GRIK2: variants seen among roughly 807,000 people sequenced by gnomAD.
GRIK2 encodes glutamate ionotropic receptor kainate type subunit 2, also known as glutamate receptor ionotropic, kainate 2.
In GRIK2, 32 loss-of-function variants were observed where a neutral mutation model predicts 100.3. That is an observed-to-expected ratio of 0.32 (90% confidence interval 0.24 to 0.43). The LOEUF (loss-of-function observed/expected upper bound fraction) is 0.43. Among genes scored for constraint, GRIK2 ranks in the 20% least tolerant of loss-of-function variants. GRIK2 has a pLI of 1.00. For missense variants in GRIK2, 843 were observed against 1,114.9 expected (o/e 0.76, Z 3.47); for synonymous variants, 417 against 389.4 (o/e 1.07, Z -0.83).
intron 2 of GRIK2, among the ~76,000 whole-genome samples, chr6:101,532,700 T>C (rs754462116): frequency 2.9e-4 from 44 of 151,408 alleles, no homozygotes; most frequent in Non-Finnish European, 5.3e-4. Flanking sequence ...CACACACACA[T>C]ACATATATGT....
At chr6:101,613,060 A>G (rs946260672) in intron 2 of GRIK2, among the ~76,000 whole-genome samples, 1 of 151,820 alleles carries the variant, frequency 6.6e-6, no homozygotes. Context: ...AAACTACTGA[A>G]AAAAGCTAGA....
chr6:101,976,235 G>C (rs12192136), intron 14 of GRIK2, among the ~76,000 whole-genome samples: 3,387 of 152,044 alleles, frequency 0.022, 56 homozygotes, highest in Non-Finnish European at 0.036. Context: ...GGAGACCACT[G>C]AAGAAATTTA....
rs186208477 is a variant in GRIK2, at chr6:101,585,581, T to C, written c.116-36368T>C. Reference sequence around the variant, plus strand: ...GTGATACAGGGTATTCATAGAATTGTTTCCACTTAAAGAACACATGCAATT... The same window carrying C: ...GTGATACAGGGTATTCATAGAATTGCTTCCACTTAAAGAACACATGCAATT... On this transcript the variant is annotated intron_variant, in intron 2 of 16. Transcript: ENST00000369134. 4.2e-4 allele frequency among the ~76,000 whole-genome samples: 64 copies of C among 152,160 alleles called. No homozygotes were observed. The East Asian group carries it at 6.8e-3, about 16-fold the overall frequency.
chr6:101,740,112 T>A (rs968826211), intron 7 of GRIK2, among the ~76,000 whole-genome samples: 8 of 152,174 alleles, frequency 5.3e-5, no homozygotes, highest in African/African-American at 1.9e-4. Flanking sequence ...CAAAGTTAAG[T>A]TGGAGTCTAA....
At chr6:101,494,271 T>A (rs1277069237) in intron 2 of GRIK2, among the ~76,000 whole-genome samples, 1 of 151,242 alleles carries the variant, frequency 6.6e-6, no homozygotes, top group African/African-American at 2.4e-5. Context: ...CTTTGAGGTC[T>A]ACTACTGCTC....
chr6:101,906,233 T>C (rs956347778), intron 12 of GRIK2, among the ~76,000 whole-genome samples: 2 of 151,722 alleles, frequency 1.3e-5, no homozygotes, highest in African/African-American at 4.8e-5. Context: ...TGTAGTGATA[T>C]TAAAATTGCC....
At chr6:102,063,568 T>C (rs192197327) in intron 16 of GRIK2, among the ~76,000 whole-genome samples, 81 of 150,934 alleles carry the variant, frequency 5.4e-4, no homozygotes, top group East Asian at 4.6e-3. Context: ...ACACTTCTAA[T>C]ATAAAAAGAA....
chr6:101,736,651 G>C (rs542464156), intron 7 of GRIK2, among the ~76,000 whole-genome samples: 114 of 152,222 alleles, frequency 7.5e-4, no homozygotes, highest in African/African-American at 2.1e-3. Flanking sequence ...CCCTGGGCCC[G>C]GCCCACAAAA....
intron 2 of GRIK2, among the ~76,000 whole-genome samples, chr6:101,464,185 G>A (rs1006866994): frequency 3.9e-5 from 6 of 152,204 alleles, no homozygotes; most frequent in South Asian, 2.1e-4. Context: ...CACAGGTTTC[G>A]AAGCTAGCAA....
At chr6:101,744,406 A>G (rs955235881) in intron 7 of GRIK2, among the ~76,000 whole-genome samples, 5 of 151,204 alleles carry the variant, frequency 3.3e-5, no homozygotes, top group Non-Finnish European at 5.9e-5. Context: ...TTCACTTAAA[A>G]TAATGGTCTC....
At chr6:101,895,838 A>G (rs1397898388) in intron 12 of GRIK2, among the ~76,000 whole-genome samples, 10 of 151,742 alleles carry the variant, frequency 6.6e-5, no homozygotes, top group Non-Finnish European at 4.4e-5. Flanking sequence ...CACACTTAGC[A>G]ATTTTCCTAA....
At chr6:101,970,523 G>T (rs531381184) in intron 14 of GRIK2, among the ~76,000 whole-genome samples, 8 of 151,986 alleles carry the variant, frequency 5.3e-5, no homozygotes, top group Non-Finnish European at 1.2e-4. Context: ...ATTAAATGGT[G>T]GATTATGCAG....
chr6:101,660,427 T>C (rs553189909), intron 4 of GRIK2, among the ~76,000 whole-genome samples: 1 of 152,298 alleles, frequency 6.6e-6, no homozygotes, highest in Non-Finnish European at 1.5e-5. Flanking sequence ...CATGCTCCTT[T>C]AGATCGGAGG....
At chr6:101,773,836 C>T (rs1255915256) in intron 7 of GRIK2, among the ~76,000 whole-genome samples, 1 of 151,974 alleles carries the variant, frequency 6.6e-6, no homozygotes, top group Non-Finnish European at 1.5e-5. Context: ...AATTAAAAAG[C>T]TAAAACTCTA....
At chr6:102,009,829 A>T (rs1188109840) in intron 14 of GRIK2, among the ~76,000 whole-genome samples, 1 of 152,146 alleles carries the variant, frequency 6.6e-6, no homozygotes, top group African/African-American at 2.4e-5. Flanking sequence ...TGTGAGATGC[A>T]TGGTAAATTG....
chr6:101,456,467 A>C (rs922652151), intron 2 of GRIK2, among the ~76,000 whole-genome samples: 1 of 152,078 alleles, frequency 6.6e-6, no homozygotes, highest in African/African-American at 2.4e-5. Flanking sequence ...CTGAAAATCA[A>C]ATTCTGAAAA....
chr6:101,556,428 A>C (rs1370334547), intron 2 of GRIK2, among the ~76,000 whole-genome samples: 1 of 142,118 alleles, frequency 7.0e-6, no homozygotes, highest in African/African-American at 2.6e-5. Flanking sequence ...TCCGCCTTCC[A>C]GGTTCACGCC....
At chr6:101,548,462 T>C (rs968625993) in intron 2 of GRIK2, among the ~76,000 whole-genome samples, 7 of 152,156 alleles carry the variant, frequency 4.6e-5, no homozygotes, top group African/African-American at 1.4e-4. Context: ...AGGTCTAACG[T>C]TTAAGTCTTT....
At chr6:101,770,032 T>G (rs1297082464) in intron 7 of GRIK2, among the ~76,000 whole-genome samples, 1 of 152,198 alleles carries the variant, frequency 6.6e-6, no homozygotes, top group African/African-American at 2.4e-5. Flanking sequence ...TTTGTATTTT[T>G]TTGTTATCAG....
Sources: gnomAD v4.1 joint callset for allele counts (sites outside exome capture counted in the v4.1 genomes callset) on GRCh38, gnomAD v4.1.1 for gene constraint, MANE v1.5 for transcripts, NCBI Gene and HGNC (gene_info 2026-07-23, HGNC 2026-07-21) for gene names.